The following CTPS2 variants were observed in gnomAD, a reference collection of about 807,000 sequenced individuals.
CTPS2 encodes the protein CTP synthase 2, also known as CTP synthase II.
Under a neutral mutation model 46.8 loss-of-function variants are expected in CTPS2, and 19 were observed. The ratio of observed to expected loss-of-function variants is 0.41; its 90% confidence interval spans 0.28 to 0.60. The LOEUF (loss-of-function observed/expected upper bound fraction) is 0.60. CTPS2 is among the 20% of genes least tolerant of loss of function. The pLI, the probability that CTPS2 is intolerant of heterozygous loss-of-function variation, is 0.35. For missense variants in CTPS2, 286 were observed against 447.6 expected (o/e 0.64, Z 3.26); for synonymous variants, 151 against 165.2 (o/e 0.91, Z 0.66).
At chrX:16,590,894 T>C in intron 17 of CTPS2, 32 bp from the exon 18 acceptor site, 1 of 1,041,567 alleles carries the variant, frequency 9.6e-7, no homozygotes, top group Non-Finnish European at 1.3e-6. Flanking sequence ...TTTAGCAAGG[T>C]ATAAAAAAAA....
intron 1 of CTPS2, among the ~76,000 whole-genome samples, chrX:16,709,854 A>AC (rs1925333015): frequency 9.5e-6 from 1 of 105,515 alleles, no homozygotes; most frequent in Non-Finnish European, 1.9e-5. Flanking sequence ...TCTCCAAAAA[A>AC]AAAAAAAAAA....
At chrX:16,696,872 T>C (rs1176312032) in intron 4 of CTPS2, among the ~76,000 whole-genome samples, 2 of 89,309 alleles carry the variant, frequency 2.2e-5, no homozygotes, top group African/African-American at 5.1e-5. Context: ...TGCAAAGTGC[T>C]CTGATACATT....
intron 14 of CTPS2, among the ~76,000 whole-genome samples, chrX:16,625,243 T>C (rs1386743708): frequency 8.9e-6 from 1 of 112,726 alleles, no homozygotes; most frequent in Non-Finnish European, 1.9e-5. Flanking sequence ...TGCTACAATA[T>C]GGATGAACCT....
rs186666817 is a variant in CTPS2, at chrX:16,616,112, G to C, written c.1546+1038C>G. 1.6e-4 allele frequency among the ~76,000 whole-genome samples: 18 copies of C among 112,027 alleles called. No homozygotes were observed. In the East Asian group the frequency reaches 1.7e-3, roughly 10 times the overall value. On this transcript the variant is annotated intron_variant, in intron 16 of 18. Transcript: ENST00000359276. ...CAGGCAGTAGTTTGCCAACCCCTGG[G>C]CTAGAACATCAAGACAAAGAGCTGA... is the stretch of plus-strand genomic sequence containing the variant.
rs763232743 is a variant in CTPS2, at chrX:16,622,112, C to T, written c.1394-1780G>A. ...ATAACATACAGTTAGAAAACACAGA[C>T]GCATCAGGAAGGCCGGGCGCGGTGG... On this transcript the variant is annotated intron_variant, in intron 14 of 18. Transcript: ENST00000359276. 4.9e-4 allele frequency among the ~76,000 whole-genome samples: 54 copies of T among 110,613 alleles called. 1 individual carries two copies. The highest frequency in any genetic ancestry group is 6.9e-4 in the African/African-American group (21 of 30,489).
At chrX:16,639,101 G>A (rs377084964) in intron 14 of CTPS2, 46 bp downstream of exon 14, 68 of 1,039,682 alleles carry the variant, frequency 6.5e-5, no homozygotes, top group Non-Finnish European at 8.6e-5. Flanking sequence ...GCAGTCACAT[G>A]AGCCACATCC....
At chrX:16,590,718 G>A in intron 18 of CTPS2, 34 bp downstream of exon 18, 2 of 791,691 alleles carry the variant, frequency 2.5e-6, no homozygotes, top group South Asian at 4.5e-5. Flanking sequence ...TTGTCCATGA[G>A]AGAAATGAAC....
intron 4 of CTPS2, among the ~76,000 whole-genome samples, chrX:16,694,456 C>T (rs1923956306): frequency 8.9e-6 from 1 of 111,870 alleles, no homozygotes; most frequent in Non-Finnish European, 1.9e-5. Flanking sequence ...CAGCCTATAT[C>T]CCACTAGCCC....
At chrX:16,599,501 T>C (rs1246374583) in intron 17 of CTPS2, among the ~76,000 whole-genome samples, 2 of 99,223 alleles carry the variant, frequency 2.0e-5, no homozygotes, top group Non-Finnish European at 4.0e-5. Context: ...TTTGAGACAG[T>C]GTTTTGCTCT....
chrX:16,617,211 A>T lies in CTPS2; in HGVS notation c.1485T>A (p.Asn495Lys), dbSNP rs763704576. The part of the protein sequence containing the change: ...NPNLIKQFEQ[N>K]DLSFVGQDVD... ...CATCCTGACCTACAAAACTTAAGTC[A>T]TTCTGCTCAAATTGTTTGATCAGGT... The change falls in exon 16 of 19, where the codon AAT becomes AAA. Residue 495 changes from asparagine to lysine, a missense_variant. By Grantham distance (94) the Asn-to-Lys change is moderately conservative. Coordinates refer to ENST00000359276, the MANE Select transcript of CTPS2 (RefSeq NM_175859.3). 3.3e-6 allele frequency: 4 copies of T among 1,208,706 alleles called. No individual in the cohort carries two copies. In the African/African-American group the frequency reaches 7.0e-5, roughly 21 times the overall value.
intron 8 of CTPS2, among the ~76,000 whole-genome samples, chrX:16,684,546 C>T (rs970237165): frequency 9.4e-6 from 1 of 106,248 alleles, no homozygotes; most frequent in Non-Finnish European, 1.9e-5. Context: ...AAAAAGAACA[C>T]ATATCTGTAA....
intron 13 of CTPS2, among the ~76,000 whole-genome samples, chrX:16,660,304 C>T (rs1038587213): frequency 2.7e-5 from 3 of 110,913 alleles, no homozygotes; most frequent in Non-Finnish European, 5.7e-5. Flanking sequence ...TAGCCTCGAC[C>T]TCCTCAGGCT....
intron 16 of CTPS2, among the ~76,000 whole-genome samples, chrX:16,612,317 A>C (rs1175732693): frequency 3.6e-5 from 4 of 111,923 alleles, no homozygotes; most frequent in South Asian, 3.7e-4. Context: ...TCTAAGATCA[A>C]AATCTTCTGG....
chrX:16,679,419 T>C lies in CTPS2; in HGVS notation c.1006-969A>G, dbSNP rs775319148. Among the ~76,000 whole-genome samples the C allele has an allele frequency of 1.1e-4, 12 of 109,876 alleles. No homozygotes were observed. The South Asian group carries it at 4.7e-3, about 43-fold the overall frequency. ...AAATCTCCAGCAAAGGAACCACTTA[T>C]ATGAAACCTCAGAGGAAAAAGAGAG... On this transcript the variant is annotated intron_variant, in intron 9 of 18. Coordinates refer to ENST00000359276, the MANE Select transcript of CTPS2 (RefSeq NM_175859.3).
chrX:16,626,501 A>T (rs1419857894), intron 14 of CTPS2, among the ~76,000 whole-genome samples: 2 of 112,006 alleles, frequency 1.8e-5, no homozygotes, highest in East Asian at 5.6e-4. Context: ...AGACTGTACA[A>T]CAATGCAATG....
At chrX:16,677,027 C>G (rs772417245) in intron 10 of CTPS2, among the ~76,000 whole-genome samples, 16 of 101,920 alleles carry the variant, frequency 1.6e-4, no homozygotes, top group Non-Finnish European at 2.6e-4. Context: ...CCACTGCACT[C>G]CAGCCTGGGA....
intron 10 of CTPS2, among the ~76,000 whole-genome samples, chrX:16,673,981 A>C (rs772425842): frequency 7.1e-5 from 8 of 112,268 alleles, no homozygotes; most frequent in African/African-American, 9.7e-5. Flanking sequence ...TTTTTCACCA[A>C]AAGTAAAAGT....
Position 16,693,784 on chromosome X carries a change from T to C in CTPS2, c.439-297A>G, listed in dbSNP as rs1044637344. 2.4e-4 allele frequency among the ~76,000 whole-genome samples: 26 copies of C among 107,997 alleles called. No homozygotes were observed. The highest frequency in any genetic ancestry group is 1.5e-3 in the Admixed American group (15 of 10,023). The allele number at this position is 107,997 out of a possible 115,157, so 93.8% of individuals were successfully genotyped here. A position where few individuals can be genotyped will look rare whatever the true frequency, so the allele number is the denominator to read the frequency against. ...CAGCCTAGATGACAGAGCGAGACCC[T>C]TTCTCTGAAAAAATATAAAAATAAA... On this transcript the variant is annotated intron_variant, in intron 4 of 18. Coordinates refer to ENST00000359276, the MANE Select transcript of CTPS2 (RefSeq NM_175859.3).
At chrX:16,681,883 A>G (rs1474708264) in intron 9 of CTPS2, among the ~76,000 whole-genome samples, 1 of 111,746 alleles carries the variant, frequency 8.9e-6, no homozygotes, top group African/African-American at 3.3e-5. Flanking sequence ...CTAAACATGT[A>G]CTACTTCCGT....
Sources: gnomAD v4.1 joint callset for allele counts (sites outside exome capture counted in the v4.1 genomes callset) on GRCh38, gnomAD v4.1.1 for gene constraint, MANE v1.5 for transcripts, NCBI Gene and HGNC (gene_info 2026-07-23, HGNC 2026-07-21) for gene names.